The following RIN3 variants were observed in gnomAD, a reference collection of about 807,000 sequenced individuals.
The protein encoded by RIN3 is RAB5 interacting protein 3.
Under a neutral mutation model 76.3 loss-of-function variants are expected in RIN3, and 54 were observed. The observed-to-expected ratio is 0.71, with a 90% confidence interval of 0.57 to 0.89. The LOEUF (loss-of-function observed/expected upper bound fraction) is 0.89, where lower values mean the gene tolerates loss of function less well. Ranked by LOEUF, RIN3 falls within the 40% of genes least tolerant of loss-of-function variation. The pLI, the probability that RIN3 is intolerant of heterozygous loss-of-function variation, is 0.00. For synonymous variants in RIN3, 576 were observed against 564.0 expected, an observed-to-expected ratio of 1.02 and a Z score of -0.30; for missense variants, 1,256 against 1,322.1, an observed-to-expected ratio of 0.95 and a Z score of 0.78.
chr14:92,535,647 GAC>G (rs1441435943), intron 1 of RIN3, among the ~76,000 whole-genome samples: 4 of 144,548 alleles, frequency 2.8e-5, no homozygotes, highest in Admixed American at 7.0e-5. Context: ...TTTAAATTAG[GAC>G]ACAGTCTACC....
intron 1 of RIN3, among the ~76,000 whole-genome samples, chr14:92,534,603 A>C (rs2896214): frequency 1.9e-4 from 26 of 136,970 alleles, no homozygotes; most frequent in African/African-American, 8.7e-4. Context: ...AAAAAAACAA[A>C]AAGAAAGAAA....
intron 2 of RIN3, among the ~76,000 whole-genome samples, chr14:92,561,939 G>T (rs181159869): frequency 6.6e-6 from 1 of 152,242 alleles, no homozygotes; most frequent in East Asian, 1.9e-4. Flanking sequence ...TCCCACCTCG[G>T]CCTCCCATAC....
chr14:92,518,872 A>G (rs1205610666), intron 1 of RIN3, among the ~76,000 whole-genome samples: 1 of 150,204 alleles, frequency 6.7e-6, no homozygotes, highest in Non-Finnish European at 1.5e-5. Context: ...TTTCTTAGGC[A>G]GAACTGTCCT....
At chr14:92,517,895 CT>C (rs1361323463) in intron 1 of RIN3, among the ~76,000 whole-genome samples, 1 of 152,222 alleles carries the variant, frequency 6.6e-6, no homozygotes, top group Non-Finnish European at 1.5e-5. Flanking sequence ...CCCCCAACAG[CT>C]CCCTAATTGC....
At chr14:92,619,339 A>T (rs1230074646) in intron 4 of RIN3, among the ~76,000 whole-genome samples, 1 of 151,886 alleles carries the variant, frequency 6.6e-6, no homozygotes, top group East Asian at 1.9e-4. Flanking sequence ...CAGAAATTTT[A>T]AAGAAGTAGA....
chr14:92,615,805 C>T, intron 4 of RIN3: 1 of 296,088 alleles, frequency 3.4e-6, no homozygotes, highest in East Asian at 7.3e-5. Flanking sequence ...CTAGAAGAAA[C>T]TTCCTGTAGG....
At chr14:92,554,796 G>A (rs1352003027) in intron 1 of RIN3, among the ~76,000 whole-genome samples, 2 of 152,112 alleles carry the variant, frequency 1.3e-5, no homozygotes, top group South Asian at 2.1e-4. Flanking sequence ...GGTGGTGCAC[G>A]CCTGTAATCC....
At chr14:92,660,590 A>C (rs999056188) in intron 7 of RIN3, among the ~76,000 whole-genome samples, 2 of 152,200 alleles carry the variant, frequency 1.3e-5, no homozygotes, top group Non-Finnish European at 2.9e-5. Flanking sequence ...CCAAGAGAAG[A>C]AGCAAAGCCT....
intron 1 of RIN3, among the ~76,000 whole-genome samples, chr14:92,546,457 T>G (rs575192838): frequency 6.7e-4 from 102 of 152,356 alleles, no homozygotes; most frequent in African/African-American, 2.3e-3. Context: ...CTGCATTTCC[T>G]GCCTTTTAAC....
Position 92,643,560 on chromosome 14 carries a change from C to T in RIN3, c.532+2231C>T, listed in dbSNP as rs546160891. Among the ~76,000 whole-genome samples the T allele has an allele frequency of 5.1e-4, 78 of 152,294 alleles. 1 individual carries two copies. The highest frequency in any genetic ancestry group is 1.6e-3 in the African/African-American group (65 of 41,558). The stretch of plus-strand genomic sequence containing the variant: ...CACTTTTGTAAGGTGCAGATGACCT[C>T]CCCCTAGGGGTTCGATGACACCGAC... On this transcript the variant is annotated intron_variant, in intron 5 of 9. Coordinates refer to ENST00000216487, the MANE Select transcript of RIN3 (RefSeq NM_024832.5). This position sits in a 1 kb window ranked among gnomAD's most constrained non-coding sequence, Gnocchi z 4.8.
intron 1 of RIN3, among the ~76,000 whole-genome samples, chr14:92,518,131 G>A (rs74075417): frequency 0.071 from 10,867 of 152,262 alleles, 1,323 homozygotes; most frequent in African/African-American, 0.25. Context: ...AGCTCACAGA[G>A]ATTCCTCCTT....
At chr14:92,655,406 T>C (rs1887632743) in intron 6 of RIN3, among the ~76,000 whole-genome samples, 1 of 152,034 alleles carries the variant, frequency 6.6e-6, no homozygotes. Context: ...GAGTAAAGTA[T>C]AGTGTAAGGA....
intron 9 of RIN3, chr14:92,686,348 T>C (rs1028904357): frequency 5.3e-5 from 8 of 152,246 alleles, no homozygotes; most frequent in South Asian, 2.1e-4. Flanking sequence ...ACTGACTCTC[T>C]GGGGAGAAAA....
chr14:92,594,138 AG>A (rs1473846310), intron 3 of RIN3, among the ~76,000 whole-genome samples: 1 of 152,110 alleles, frequency 6.6e-6, no homozygotes, highest in African/African-American at 2.4e-5. Flanking sequence ...AAAATTTAAA[AG>A]GCTTGCAATC....
At chr14:92,541,027 G>T (rs974379074) in intron 1 of RIN3, among the ~76,000 whole-genome samples, 3 of 152,232 alleles carry the variant, frequency 2.0e-5, no homozygotes, top group Non-Finnish European at 4.4e-5. Flanking sequence ...CACATGGGAA[G>T]TTCAACCTAC....
chr14:92,550,625 C>G (rs1381486701), intron 1 of RIN3, among the ~76,000 whole-genome samples: 1 of 152,138 alleles, frequency 6.6e-6, no homozygotes, highest in Non-Finnish European at 1.5e-5. Flanking sequence ...CACTATATTT[C>G]CCAGGCTGGT....
At chr14:92,640,969 C>A (rs1464432465) in intron 4 of RIN3, among the ~76,000 whole-genome samples, 1 of 152,128 alleles carries the variant, frequency 6.6e-6, no homozygotes, top group Non-Finnish European at 1.5e-5. Context: ...CTGGGCTCAG[C>A]AGTCCAGGAA....
chr14:92,609,859 G>C (rs1416566812), intron 3 of RIN3, among the ~76,000 whole-genome samples: 1 of 111,346 alleles, frequency 9.0e-6, no homozygotes, highest in African/African-American at 2.8e-5. Context: ...GTGTGTGTGT[G>C]TGTGTGTGTG....
At chr14:92,543,129 G>A (rs751005162) in intron 1 of RIN3, among the ~76,000 whole-genome samples, 8 of 152,146 alleles carry the variant, frequency 5.3e-5, no homozygotes, top group Non-Finnish European at 1.0e-4. Context: ...CCAGCTCAGC[G>A]TCAACCGCAG....
Sources: gnomAD v4.1 joint callset for allele counts (sites outside exome capture counted in the v4.1 genomes callset) on GRCh38, gnomAD v4.1.1 for gene constraint, Gnocchi (gnomAD v3.1) non-coding constraint, MANE v1.5 for transcripts, NCBI Gene and HGNC (gene_info 2026-07-23, HGNC 2026-07-21) for gene names.